Variants in DOCK4 observed in about 807,000 individuals in gnomAD.
DOCK4 encodes the protein dedicator of cytokinesis 4.
In DOCK4, 97 loss-of-function variants were observed where a neutral mutation model predicts 268.1. The observed-to-expected ratio is 0.36, with a 90% CI of 0.31 to 0.43. The LOEUF is 0.43. DOCK4 is among the 20% of genes least tolerant of loss of function. DOCK4 has a pLI of 1.00. For synonymous variants in DOCK4, 954 were observed against 887.2 expected, an observed-to-expected ratio of 1.08 and a Z score of -1.34; for missense variants, 2,145 against 2,455.7, an observed-to-expected ratio of 0.87 and a Z score of 2.67.
rs201560943 is a variant in DOCK4, at chr7:111,882,268, T to TA, written c.1588-5083dup. Among the ~76,000 whole-genome samples, 829 of 152,232 alleles carry TA rather than the reference T, an allele frequency of 5.4e-3. 5 individuals are homozygous for TA. Among genetic ancestry groups the TA allele is most frequent in the African/African-American group, 0.019 (801 of 41,536 alleles). On this transcript the variant is annotated intron_variant, in intron 16 of 52. Transcript: ENST00000428084. Reference sequence around the variant, plus strand: ...ATAGTGTATTATAATATCATTTGGGTAAAAAAATCCACACAGAATATCTGG... The same window carrying TA: ...ATAGTGTATTATAATATCATTTGGGTAAAAAAAATCCACACAGAATATCTGG...
At chr7:111,876,748 G>GC (rs376035428) in intron 17 of DOCK4, among the ~76,000 whole-genome samples, 19 of 124,092 alleles carry the variant, frequency 1.5e-4, no homozygotes, top group African/African-American at 5.7e-4. Context: ...TGGTATTTTC[G>GC]TTTTTTTTTT....
chr7:111,994,930 A>G (rs1402948784), intron 4 of DOCK4, among the ~76,000 whole-genome samples: 1 of 152,100 alleles, frequency 6.6e-6, no homozygotes, highest in East Asian at 1.9e-4. Flanking sequence ...AAAGTCAGAA[A>G]CTATCCTTGG....
chr7:111,963,266 A>C (rs7781451), intron 8 of DOCK4, among the ~76,000 whole-genome samples: 2 of 149,140 alleles, frequency 1.3e-5, no homozygotes, highest in Non-Finnish European at 3.0e-5. Context: ...CGCAGAAGAC[A>C]GGTGATTTCT....
intron 47 of DOCK4, 86 bp downstream of exon 47, chr7:111,741,008 T>A (rs1460453803): frequency 6.5e-7 from 1 of 1,529,084 alleles, no homozygotes; most frequent in African/African-American, 1.4e-5. Flanking sequence ...GTTGGTCTGT[T>A]CATCAGCACA....
intron 23 of DOCK4, among the ~76,000 whole-genome samples, chr7:111,859,105 AC>A (rs1427820248): frequency 1.3e-5 from 2 of 151,848 alleles, no homozygotes; most frequent in African/African-American, 4.8e-5. Flanking sequence ...TGTATTCTCA[AC>A]CCCCTGGGCT....
intron 14 of DOCK4, among the ~76,000 whole-genome samples, 166 bp downstream of exon 14, chr7:111,901,511 C>T (rs1477562932): frequency 2.0e-5 from 3 of 151,024 alleles, no homozygotes; most frequent in African/African-American, 4.9e-5. Flanking sequence ...AATTAAAAAA[C>T]AAAAGAAAGA....
chr7:111,810,965 G>A (rs1450907731), intron 28 of DOCK4, among the ~76,000 whole-genome samples: 2 of 152,136 alleles, frequency 1.3e-5, no homozygotes, highest in South Asian at 2.1e-4. Flanking sequence ...CTGCGTCACT[G>A]CATTCCAGCC....
At chr7:111,741,416 G>A (rs866551094) in intron 46 of DOCK4, 124 bp downstream of exon 46, 31 of 1,437,998 alleles carry the variant, frequency 2.2e-5, no homozygotes, top group Admixed American at 4.5e-5. Context: ...CAGCTGCCTC[G>A]CGGGTTAGTT....
intron 1 of DOCK4, among the ~76,000 whole-genome samples, chr7:112,062,357 T>C (rs1806498729): frequency 6.6e-6 from 1 of 152,200 alleles, no homozygotes; most frequent in Non-Finnish European, 1.5e-5. Flanking sequence ...GAAAAAGTAC[T>C]CCGAACATTA....
intron 1 of DOCK4, among the ~76,000 whole-genome samples, chr7:112,194,079 G>T (rs751147645): frequency 6.6e-6 from 1 of 152,016 alleles, no homozygotes. Context: ...TTGGGAGTTA[G>T]GGCTTCAACA....
intron 12 of DOCK4, among the ~76,000 whole-genome samples, chr7:111,926,513 GAAAA>G (rs1030268884): frequency 7.1e-6 from 1 of 140,548 alleles, no homozygotes; most frequent in Non-Finnish European, 1.5e-5. Flanking sequence ...AAAGAAGGAA[GAAAA>G]AAAGAAAGAA....
At chr7:112,079,712 G>T (rs1376487331) in intron 1 of DOCK4, among the ~76,000 whole-genome samples, 1 of 152,128 alleles carries the variant, frequency 6.6e-6, no homozygotes, top group Non-Finnish European at 1.5e-5. Context: ...CTGTGCTTTA[G>T]TTTCTTATTT....
At chr7:112,203,095 G>A (rs368615095) in intron 1 of DOCK4, among the ~76,000 whole-genome samples, 192 of 152,264 alleles carry the variant, frequency 1.3e-3, no homozygotes, top group African/African-American at 4.4e-3. Flanking sequence ...ACCAGGGAAG[G>A]CTTTAGTTAA....
At chr7:111,914,508 C>T (rs1220276851) in intron 13 of DOCK4, among the ~76,000 whole-genome samples, 1 of 152,184 alleles carries the variant, frequency 6.6e-6, no homozygotes, top group Non-Finnish European at 1.5e-5. Flanking sequence ...ATCCCCAGTA[C>T]TGTATTTTGA....
intron 22 of DOCK4, among the ~76,000 whole-genome samples, chr7:111,866,798 A>G (rs1299111410): frequency 6.6e-6 from 1 of 152,242 alleles, no homozygotes; most frequent in Admixed American, 6.5e-5. Flanking sequence ...ATAAAGGGTA[A>G]AAAGAAAAAT....
chr7:112,018,161 A>AC (rs1801996401), intron 1 of DOCK4, among the ~76,000 whole-genome samples: 1 of 140,698 alleles, frequency 7.1e-6, no homozygotes, highest in African/African-American at 2.7e-5. Flanking sequence ...AAAAAAAAAA[A>AC]AAAAAAAAAA....
intron 1 of DOCK4, among the ~76,000 whole-genome samples, chr7:112,066,920 G>A (rs1340118247): frequency 1.3e-5 from 2 of 150,450 alleles, no homozygotes; most frequent in Non-Finnish European, 3.0e-5. Context: ...TGAAGCAGGA[G>A]GACTGCTTGA....
At chr7:112,080,486 C>T (rs1266212394) in intron 1 of DOCK4, among the ~76,000 whole-genome samples, 1 of 152,150 alleles carries the variant, frequency 6.6e-6, no homozygotes, top group African/African-American at 2.4e-5. Context: ...TGTTACATAT[C>T]TGCCAGTTTT....
chr7:111,762,762 C>CTTTCTTTTTTTTTTTTTTTTTTTT (rs1797505856), intron 39 of DOCK4, among the ~76,000 whole-genome samples: 1 of 63,068 alleles, frequency 1.6e-5, no homozygotes, highest in Non-Finnish European at 3.0e-5. Flanking sequence ...GTTTTGTTTT[C>CTTTCTTTTTTTTTTTTTTTTTTTT]TTTTTTTTTT....
Sources: gnomAD v4.1 joint callset for allele counts (sites outside exome capture counted in the v4.1 genomes callset) on GRCh38, gnomAD v4.1.1 for gene constraint, MANE v1.5 for transcripts, NCBI Gene and HGNC (gene_info 2026-07-23, HGNC 2026-07-21) for gene names.